Variants in ZMAT4 observed in about 807,000 individuals in gnomAD.
ZMAT4 encodes zinc finger matrin-type protein 4.
A neutral mutation model predicts 28.7 loss-of-function variants in ZMAT4; 17 were observed. That is an observed-to-expected ratio of 0.59 (90% confidence interval 0.41 to 0.89). The LOEUF (loss-of-function observed/expected upper bound fraction) is 0.89, where lower values mean the gene tolerates loss of function less well. ZMAT4 is among the 40% of genes least tolerant of loss of function. The probability of loss-of-function intolerance (pLI) is 0.00; values close to 1 mark genes in which losing one functional copy is unlikely to be tolerated. For missense variants in ZMAT4, 240 were observed against 283.8 expected, an observed-to-expected ratio of 0.85 and a Z score of 1.11; for synonymous variants, 117 against 109.2, an observed-to-expected ratio of 1.07 and a Z score of -0.44.
intron 5 of ZMAT4, among the ~76,000 whole-genome samples, chr8:40,612,867 C>T (rs1805850650): frequency 1.4e-5 from 2 of 142,224 alleles, no homozygotes; most frequent in South Asian, 4.5e-4. Flanking sequence ...GGCTGGAGTG[C>T]AATGACGTGA....
chr8:40,715,999 G>A (rs1353843197), intron 3 of ZMAT4, among the ~76,000 whole-genome samples: 1 of 152,234 alleles, frequency 6.6e-6, no homozygotes, highest in African/African-American at 2.4e-5. Flanking sequence ...CAGGTCCTCA[G>A]TTCTGTAGAG....
intron 5 of ZMAT4, among the ~76,000 whole-genome samples, chr8:40,612,811 GTTTTTTTTTTT>G (rs57134245): frequency 1.2e-5 from 1 of 86,230 alleles, no homozygotes; most frequent in African/African-American, 3.5e-5. Flanking sequence ...TTTGGTTTTT[GTTTTTTTTTTT>G]TTTTTTTGAG....
In ZMAT4 at chr8:40,690,963, T is replaced by G. The variant is rs1171293310; in HGVS notation, c.349+6282A>C. ...TACTGTTCCTGCAAATAAGAAATAC[T>G]TGATTTAAAGTGTATAAATATCTGT... On this transcript the variant is annotated intron_variant, in intron 4 of 6. Coordinates refer to ENST00000297737, the MANE Select transcript of ZMAT4 (RefSeq NM_024645.3). The G allele has an allele frequency of 1.3e-5, 13 of 980,116 alleles. No individual in the cohort carries two copies. The South Asian group carries it at 3.8e-4, about 28-fold the overall frequency. The allele number at this position is 980,116 out of a possible 1,614,324, so 60.7% of individuals were successfully genotyped here. A position where few individuals can be genotyped will look rare whatever the true frequency, so the allele number is the denominator to read the frequency against.
chr8:40,860,226 T>C (rs776887167), intron 1 of ZMAT4, among the ~76,000 whole-genome samples: 3 of 152,186 alleles, frequency 2.0e-5, no homozygotes, highest in Non-Finnish European at 4.4e-5. Context: ...ATGGTTCTCA[T>C]GGCTTTTACA....
chr8:40,862,348 C>G (rs1177807603), intron 1 of ZMAT4, among the ~76,000 whole-genome samples: 1 of 142,606 alleles, frequency 7.0e-6, no homozygotes, highest in Non-Finnish European at 1.5e-5. Flanking sequence ...CATATTCTCA[C>G]TCATAGGTGG....
intron 1 of ZMAT4, among the ~76,000 whole-genome samples, chr8:40,876,469 T>A (rs951680771): frequency 2.0e-5 from 3 of 151,870 alleles, no homozygotes; most frequent in Non-Finnish European, 4.4e-5. Flanking sequence ...GGCGCCACCA[T>A]GCCTGGATAC....
At chr8:40,771,766 T>C (rs775595586) in intron 2 of ZMAT4, among the ~76,000 whole-genome samples, 1 of 152,224 alleles carries the variant, frequency 6.6e-6, no homozygotes, top group Non-Finnish European at 1.5e-5. Context: ...GACTAGAGGA[T>C]GGGTAGGCCT....
rs1808849192 is a variant in ZMAT4 at position 40,674,943 on chromosome 8, A to G, written c.350-12T>C. The G allele has an allele frequency of 6.2e-7, 1 of 1,608,130 alleles. No homozygotes were observed. The highest frequency in any genetic ancestry group is 1.7e-5 in the Admixed American group (1 of 59,740). ...GCTCAGGGGTGTTGCTGTGAAAGGA[A>G]ACAACCAGAGAACCACAGCCACGTT... On this transcript the variant is annotated splice_polypyrimidine_tract_variant and intron_variant, in intron 4 of 6. Transcript: ENST00000297737.
intron 5 of ZMAT4, among the ~76,000 whole-genome samples, chr8:40,628,916 C>G (rs1806471463): frequency 6.6e-6 from 1 of 151,656 alleles, no homozygotes; most frequent in African/African-American, 2.4e-5. Context: ...AGACACCATA[C>G]AATGGAAATG....
intron 2 of ZMAT4, among the ~76,000 whole-genome samples, chr8:40,790,039 T>A (rs58127684): frequency 6.6e-6 from 1 of 152,008 alleles, no homozygotes; most frequent in Non-Finnish European, 1.5e-5. Flanking sequence ...AGTCAAGGCA[T>A]ACATGATTCC....
At chr8:40,729,001 C>T (rs963181863) in intron 3 of ZMAT4, among the ~76,000 whole-genome samples, 3 of 152,176 alleles carry the variant, frequency 2.0e-5, no homozygotes, top group Admixed American at 6.5e-5. Flanking sequence ...CCATGTTTTG[C>T]CAGAATCAGT....
chr8:40,774,836 CTT>C (rs376293592), intron 2 of ZMAT4, among the ~76,000 whole-genome samples: 44 of 152,176 alleles, frequency 2.9e-4, no homozygotes, highest in African/African-American at 9.6e-4. Flanking sequence ...TTACAAGTGA[CTT>C]TAAGTTTTCT....
At chr8:40,872,587 T>C (rs1321961569) in intron 1 of ZMAT4, among the ~76,000 whole-genome samples, 1 of 152,164 alleles carries the variant, frequency 6.6e-6, no homozygotes, top group Non-Finnish European at 1.5e-5. Context: ...CCAGGGGGAT[T>C]GCCAAGGGTG....
intron 3 of ZMAT4, among the ~76,000 whole-genome samples, chr8:40,706,466 A>C (rs1364412349): frequency 6.6e-6 from 1 of 152,232 alleles, no homozygotes; most frequent in Non-Finnish European, 1.5e-5. Flanking sequence ...AATGAAGCTC[A>C]GAGGGTTTAA....
intron 5 of ZMAT4, among the ~76,000 whole-genome samples, chr8:40,671,965 A>AG (rs148834247): frequency 1.9e-3 from 286 of 152,318 alleles, no homozygotes; most frequent in Non-Finnish European, 3.1e-3. Flanking sequence ...TCATTCATTC[A>AG]GAAACTATTG....
chr8:40,598,556 T>C (rs1231652373), intron 5 of ZMAT4, among the ~76,000 whole-genome samples: 2 of 152,208 alleles, frequency 1.3e-5, no homozygotes, highest in East Asian at 3.8e-4. Flanking sequence ...TCTTTTTATA[T>C]AGCTGCATAG....
chr8:40,626,069 C>T (rs918576532), intron 5 of ZMAT4, among the ~76,000 whole-genome samples: 2 of 149,828 alleles, frequency 1.3e-5, no homozygotes, highest in African/African-American at 4.9e-5. Context: ...GAGATTGCGC[C>T]ATTGCACTCC....
At chr8:40,720,465 G>T (rs987975729) in intron 3 of ZMAT4, among the ~76,000 whole-genome samples, 1 of 151,564 alleles carries the variant, frequency 6.6e-6, no homozygotes, top group African/African-American at 2.4e-5. Flanking sequence ...AGGAAGTGTG[G>T]CATCAATGCC....
At chr8:40,897,476 G>A (rs543600082) in intron 1 of ZMAT4, among the ~76,000 whole-genome samples, 196 of 152,306 alleles carry the variant, frequency 1.3e-3, no homozygotes, top group Non-Finnish European at 2.4e-3. Context: ...CTAATTAGGA[G>A]TAGTAAACAA....
Sources: allele counts gnomAD v4.1 joint callset (sites outside exome capture counted in the v4.1 genomes callset), GRCh38; gene constraint gnomAD v4.1.1; transcripts MANE v1.5; gene names NCBI Gene and HGNC (gene_info 2026-07-23, HGNC 2026-07-21).